Variants in ZNF112 observed in about 807,000 individuals in gnomAD.
The protein encoded by ZNF112 is zinc finger protein 112 (Y14).
In ZNF112, 37 loss-of-function variants were observed where a neutral mutation model predicts 77.7. That is an observed-to-expected ratio of 0.48 (90% CI 0.37 to 0.63). The LOEUF (loss-of-function observed/expected upper bound fraction) is 0.63, where lower values mean the gene tolerates loss of function less well. Ranked by LOEUF, ZNF112 falls within the 20% of genes least tolerant of loss-of-function variation. ZNF112 has a pLI of 0.00. For missense variants in ZNF112, 950 were observed against 1,077.4 expected, an observed-to-expected ratio of 0.88 and a Z score of 1.66; for synonymous variants, 333 against 363.6, an observed-to-expected ratio of 0.92 and a Z score of 0.96.
rs112589939 is a variant in ZNF112, at chr19:44,328,895, C to T, written c.1262G>A (p.Ser421Asn). Residue 421 changes from serine (S) to asparagine (N), a missense_variant, in exon 4 of 4, where the codon AGT (serine) becomes AAT (asparagine). By Grantham distance (46) the Ser-to-Asn change is conservative. Coordinates refer to ENST00000354340, the MANE Select transcript of ZNF112 (RefSeq NM_013380.4). ...CCTATGCTGAATGTCAAGATTTGAA[C>T]TACAAATGAAACTCTTTCCATACTC... ...DIEYGKSFIC[S>N]SNLDIQHRVH... 1.9e-6 allele frequency: 3 copies of T among 1,613,838 alleles called. No individual in the cohort carries two copies. The highest frequency in any genetic ancestry group is 1.3e-5 in the African/African-American group (1 of 74,916).
rs547904462 is a variant in ZNF112, at chr19:44,328,510, G to C, written c.1647C>G (p.Cys549Trp). Residue 549 changes from cysteine (C) to tryptophan (W), a missense_variant, in exon 4 of 4, where the codon TGC becomes TGG. By Grantham distance (215) the Cys-to-Trp change is radical. This residue lies in a region of ZNF112 where 373 missense variants were observed against 482.8 expected (regional missense o/e 0.77). Transcript: ENST00000354340. ...RVHTGEKPYK[C>W]EECDKGFSRS... ...GACTGAATCCCTTATCACATTCCTC[G>C]CATTTATAAGGTTTCTCTCCTGTGT... The C allele has an allele frequency of 6.3e-7, 1 of 1,595,736 alleles. No individual in the cohort carries two copies. The highest frequency in any genetic ancestry group is 8.6e-7 in the Non-Finnish European group (1 of 1,167,756).
rs1229018183 is a variant in ZNF112 at position 44,336,687 on chromosome 19, G to T, written c.156C>A (p.Ser52=). ...AHQPFKPDLI[S]QLEREEKLLM... ...AAAGCTTTTCTTCTCTCTCCAGCTG[G>T]GATATTAGGTCTGGCTTGAAGGGCT... is the stretch of plus-strand genomic sequence containing the variant. The change falls in exon 3 of 4, where the codon TCC becomes TCA. Residue 52 remains serine, a synonymous_variant. Coordinates refer to ENST00000354340, the MANE Select transcript of ZNF112 (RefSeq NM_013380.4). 6.2e-7 allele frequency: 1 copy of T among 1,613,924 alleles called. No homozygotes were observed. Among genetic ancestry groups the T allele is most frequent in the East Asian group, 2.2e-5 (1 of 44,866 alleles).
At chr19:44,335,540 T>A (rs1351508714) in intron 3 of ZNF112, among the ~76,000 whole-genome samples, 2 of 152,170 alleles carry the variant, frequency 1.3e-5, no homozygotes, top group East Asian at 3.9e-4. Flanking sequence ...GCTGACAGTA[T>A]CAGGAAGGTA....
In ZNF112 at chr19:44,327,386, T is replaced by G. The variant is rs140283848; in HGVS notation, c.*47A>C. On this transcript the variant is annotated 3_prime_UTR_variant, in exon 4 of 4. Coordinates refer to ENST00000354340, the MANE Select transcript of ZNF112 (RefSeq NM_013380.4). ...TAATTTTTAAAAATTCTTTTTCTAC[T>G]GAAAGAACTCTAGTGACTGGAAAAT... 181 of 1,467,694 alleles carry G rather than the reference T, an allele frequency of 1.2e-4. 1 individual carries two copies. In the African/African-American group the frequency reaches 2.1e-3, roughly 17 times the overall value. The allele number at this position is 1,467,694 out of a possible 1,614,324, so 90.9% of individuals were successfully genotyped here. A position where few individuals can be genotyped will look rare whatever the true frequency, so the allele number is the denominator to read the frequency against.
At chr19:44,360,100 C>CAAAAA (rs56320020), upstream of ZNF112, among the ~76,000 whole-genome samples, 90 of 149,052 alleles carry the variant, frequency 6.0e-4, no homozygotes, top group Middle Eastern at 6.8e-3. Context: ...ACTAAAAATA[C>CAAAAA]AAAAAAAAAG....
At chr19:44,337,233 T>C (rs1439369750) in intron 2 of ZNF112, among the ~76,000 whole-genome samples, 3 of 142,962 alleles carry the variant, frequency 2.1e-5, no homozygotes, top group Admixed American at 1.5e-4. Context: ...ATATATAAAA[T>C]ATATATTATT....
At chr19:44,336,367 T>C (rs142304933) in intron 3 of ZNF112, among the ~76,000 whole-genome samples, 22 of 152,264 alleles carry the variant, frequency 1.4e-4, no homozygotes, top group African/African-American at 4.6e-4. Flanking sequence ...TTGAGAGGTC[T>C]GAGGGGGCAA....
intron 3 of ZNF112, among the ~76,000 whole-genome samples, chr19:44,331,288 C>G (rs1344725348): frequency 6.6e-6 from 1 of 152,128 alleles, no homozygotes; most frequent in African/African-American, 2.4e-5. Context: ...TAGCCAGGAA[C>G]AGAACTCAAT....
chr19:44,329,239 A>G lies in ZNF112; in HGVS notation c.918T>C (p.Asp306=). Residue 306 remains aspartate (D), a synonymous_variant, in exon 4 of 4, where the codon GAT becomes GAC. Transcript: ENST00000354340. ...AGGATTTCAGATGTGAATTCTCAAT[A>G]TCATCTTCTCTCTCAATATTTTGAT... ...HIHQNIERED[D]IENSHLKSYQ... The G allele has an allele frequency of 1.2e-6, 2 of 1,613,908 alleles. No homozygotes were observed. Among genetic ancestry groups the G allele is most frequent in the South Asian group, 2.2e-5 (2 of 91,078 alleles).
chr19:44,331,917 C>A (rs567546853), intron 3 of ZNF112, among the ~76,000 whole-genome samples: 2 of 152,262 alleles, frequency 1.3e-5, no homozygotes, highest in South Asian at 4.1e-4. Context: ...GCAAAGGTCA[C>A]AAGAATCTAC....
chr19:44,333,993 G>A (rs1240443156), intron 3 of ZNF112, among the ~76,000 whole-genome samples: 1 of 152,200 alleles, frequency 6.6e-6, no homozygotes, highest in Non-Finnish European at 1.5e-5. Flanking sequence ...CTAGAGAATT[G>A]TTACATGGTT....
At chr19:44,343,319 G>T (rs1970525956) in intron 1 of ZNF112, 2 of 1,560,232 alleles carry the variant, frequency 1.3e-6, no homozygotes, top group Non-Finnish European at 1.7e-6. Context: ...AGGCAGAACA[G>T]GGTAATACGA....
chr19:44,341,789 T>C (rs745939147), intron 1 of ZNF112, among the ~76,000 whole-genome samples: 1 of 152,230 alleles, frequency 6.6e-6, no homozygotes, highest in Non-Finnish European at 1.5e-5. Context: ...CTTTTTGCTG[T>C]AGGGTAATTT....
chr19:44,359,979 A>G (rs4239531), upstream of ZNF112, among the ~76,000 whole-genome samples: 103,591 of 151,926 alleles, frequency 0.68, 35,709 homozygotes, highest in South Asian at 0.77. Context: ...AGGTCTGGCC[A>G]GGCACGGTGG....
At chr19:44,357,471 A>G (rs1970804880), upstream of ZNF112, among the ~76,000 whole-genome samples, 1 of 152,184 alleles carries the variant, frequency 6.6e-6, no homozygotes, top group South Asian at 2.1e-4. Context: ...TTACCTTTTT[A>G]TTCCATTTTG....
intron 3 of ZNF112, 125 bp downstream of exon 3, chr19:44,336,498 T>A: frequency 2.7e-6 from 2 of 750,908 alleles, no homozygotes; most frequent in East Asian, 2.5e-5. Context: ...CCACTTTAAG[T>A]ACTTTAAACT....
chr19:44,336,725 AGAAGGAAAGG>A lies in ZNF112; in HGVS notation c.125-17_125-8del. 6.2e-7 allele frequency: 1 copy of A among 1,613,532 alleles called. No individual in the cohort carries two copies. Among genetic ancestry groups the A allele is most frequent in the Non-Finnish European group, 8.5e-7 (1 of 1,179,496 alleles). ...GGCTTGAAGGGCTGATGTGCTGTAA[AGAAGGAAAGG>A]ACAGCAAAAGTTTTTAAGTTTGATG... On this transcript the variant is annotated splice_region_variant and splice_polypyrimidine_tract_variant and intron_variant, in intron 2 of 3. Transcript: ENST00000354340.
At chr19:44,333,965 G>A (rs1970317927) in intron 3 of ZNF112, among the ~76,000 whole-genome samples, 1 of 152,180 alleles carries the variant, frequency 6.6e-6, no homozygotes. Context: ...AGGAAGATGA[G>A]GGAAAGTTTG....
intron 2 of ZNF112, among the ~76,000 whole-genome samples, chr19:44,340,030 C>A (rs527676526): frequency 6.6e-6 from 1 of 151,832 alleles, no homozygotes; most frequent in Non-Finnish European, 1.5e-5. Context: ...AGAATCTTGG[C>A]GAATCTATAT....
Sources: gnomAD v4.1 joint callset for allele counts (sites outside exome capture counted in the v4.1 genomes callset) on GRCh38, gnomAD v4.1.1 for gene constraint, gnomAD v4.1.1 regional missense constraint, MANE v1.5 for transcripts, NCBI Gene and HGNC (gene_info 2026-07-23, HGNC 2026-07-21) for gene names.